Variants in CELF2 observed in about 807,000 individuals in gnomAD.
CELF2 encodes the protein CUG triplet repeat RNA-binding protein 2.
Under a neutral mutation model 62.6 loss-of-function variants are expected in CELF2, and 8 were observed. The ratio of observed to expected loss-of-function variants is 0.13; its 90% CI spans 0.07 to 0.23. CELF2 has a LOEUF of 0.23. CELF2 is among the 10% of genes least tolerant of loss of function. CELF2 has a pLI of 1.00. For synonymous variants in CELF2, 258 were observed against 250.0 expected, an observed-to-expected ratio of 1.03 and a Z score of -0.30; for missense variants, 333 against 671.0, an observed-to-expected ratio of 0.50 and a Z score of 5.56.
chr10:10,527,837 T>C, the CELF2 span, among the ~76,000 whole-genome samples: 1 of 152,254 alleles, frequency 6.6e-6, no homozygotes, highest in Non-Finnish European at 1.5e-5. Context: ...ACTGTCTAGA[T>C]GCAATCCTAA....
chr10:11,288,496 C>G lies in CELF2; in HGVS notation c.920C>G (p.Thr307Ser). 2 of 1,614,002 alleles carry G rather than the reference C, an allele frequency of 1.2e-6. No homozygotes were observed. Among genetic ancestry groups the G allele is most frequent in the Non-Finnish European group, 1.7e-6 (2 of 1,180,036 alleles). ...GCGGCCCAGACCTCAGCCACCAGCA[C>G]CAATGCAAACCCTCTCTCTACCACG... Reference protein sequence around the residue: ...AAAAQTSATSTNANPLSTTSS... With the variant: ...AAAAQTSATSSNANPLSTTSS... The change falls in exon 9 of 13, where the codon ACC (threonine) becomes AGC (serine). Residue 307 changes from threonine to serine, a missense_variant. Thr to Ser is a moderately conservative substitution (Grantham distance 58, BLOSUM62 1). Around this residue, in one of 3 missense-constraint regions of CELF2, gnomAD observed 253 missense variants for 503.0 expected, o/e 0.50. Transcript: ENST00000633077.
intron 1 of CELF2, among the ~76,000 whole-genome samples, chr10:10,820,275 T>C (rs1276483535): frequency 6.6e-6 from 1 of 152,176 alleles, no homozygotes; most frequent in African/African-American, 2.4e-5. Flanking sequence ...ATTAGTACTC[T>C]TTTCTGTGGG....
chr10:10,602,933 G>T, the CELF2 span, among the ~76,000 whole-genome samples: 1 of 152,072 alleles, frequency 6.6e-6, no homozygotes, highest in Non-Finnish European at 1.5e-5. Context: ...ATTCGTTGAG[G>T]GATTTGGAGT....
intron 1 of CELF2, among the ~76,000 whole-genome samples, chr10:11,132,727 A>G (rs2059801103): frequency 6.6e-6 from 1 of 152,236 alleles, no homozygotes; most frequent in African/African-American, 2.4e-5. Context: ...GCCTAGGAGA[A>G]AAAGTGACAC....
chr10:11,231,659 C>G (rs1378711012), intron 3 of CELF2, among the ~76,000 whole-genome samples: 1 of 146,114 alleles, frequency 6.8e-6, no homozygotes, highest in African/African-American at 2.5e-5. Flanking sequence ...AAAAAAAAAT[C>G]CTGTTTACTT....
At chr10:10,912,985 G>A (rs1374729631) in intron 1 of CELF2, among the ~76,000 whole-genome samples, 1 of 152,170 alleles carries the variant, frequency 6.6e-6, no homozygotes, top group Non-Finnish European at 1.5e-5. Flanking sequence ...CCTGTAAATG[G>A]CCTGGAATAG....
the CELF2 span, among the ~76,000 whole-genome samples, chr10:10,772,054 G>A: frequency 6.6e-6 from 1 of 152,128 alleles, no homozygotes; most frequent in African/African-American, 2.4e-5. Context: ...TAGCAGAATG[G>A]AGTAGAACTT....
Position 11,223,587 on chromosome 10 carries a change from C to T in CELF2, c.354+6080C>T, listed in dbSNP as rs1297315843. Among the ~76,000 whole-genome samples, 1 of 152,190 alleles carries T rather than the reference C, an allele frequency of 6.6e-6. No homozygotes were observed. The highest frequency in any genetic ancestry group is 1.5e-5 in the Non-Finnish European group (1 of 68,032). ...CAAACAAAATAAGGACTTTGTTTCTCTTGGAGATGACTTTTTAAGGACTGT... is the reference window on the plus strand; with the variant it reads ...CAAACAAAATAAGGACTTTGTTTCTTTTGGAGATGACTTTTTAAGGACTGT... On this transcript the variant is annotated intron_variant, in intron 3 of 12. Transcript: ENST00000633077. This position sits in a 1 kb window ranked among gnomAD's most constrained non-coding sequence, Gnocchi z 5.1.
intron 1 of CELF2, among the ~76,000 whole-genome samples, chr10:10,894,344 CA>C (rs769285039): frequency 1.3e-5 from 2 of 152,142 alleles, no homozygotes; most frequent in Non-Finnish European, 2.9e-5. Flanking sequence ...CTCACCAGCT[CA>C]AGGGCACCAA....
the CELF2 span, among the ~76,000 whole-genome samples, chr10:10,749,305 GCATATCACCTT>G: frequency 6.6e-6 from 1 of 152,126 alleles, no homozygotes; most frequent in Non-Finnish European, 1.5e-5. Context: ...ATTACAGAAG[GCATATCACCTT>G]CTACTCCCTC....
At chr10:10,909,322 A>G (rs975649362) in intron 1 of CELF2, among the ~76,000 whole-genome samples, 15 of 152,220 alleles carry the variant, frequency 9.9e-5, no homozygotes, top group African/African-American at 2.9e-4. Flanking sequence ...TGTGTCCCTC[A>G]GAACCTTCAT....
intron 1 of CELF2, among the ~76,000 whole-genome samples, chr10:11,113,584 A>G (rs1374896188): frequency 2.0e-5 from 3 of 152,208 alleles, no homozygotes; most frequent in South Asian, 2.1e-4. Flanking sequence ...CCCTTTAAAT[A>G]TACGTGGGAT....
the CELF2 span, among the ~76,000 whole-genome samples, chr10:10,563,237 A>G: frequency 1.3e-5 from 2 of 152,236 alleles, no homozygotes; most frequent in African/African-American, 4.8e-5. Flanking sequence ...CTCCTAGAAG[A>G]CACCCAGCCA....
intron 8 of CELF2, among the ~76,000 whole-genome samples, chr10:11,286,496 TG>T (rs2091342063): frequency 6.6e-6 from 1 of 152,226 alleles, no homozygotes; most frequent in African/African-American, 2.4e-5. Context: ...CGCACAGCCT[TG>T]GTGCTCCCTC....
chr10:11,030,226 T>C (rs2059879013), intron 1 of CELF2: 1 of 152,260 alleles, frequency 6.6e-6, no homozygotes, highest in Admixed American at 6.5e-5. Context: ...ATTTAGGATA[T>C]ACCATGGGCC....
At chr10:10,909,628 C>T (rs747024055) in intron 1 of CELF2, among the ~76,000 whole-genome samples, 8 of 152,174 alleles carry the variant, frequency 5.3e-5, no homozygotes, top group Non-Finnish European at 7.3e-5. Context: ...AATCTTCTTC[C>T]TCTTGTCCAT....
chr10:11,085,358 C>A (rs2046411368), intron 1 of CELF2, among the ~76,000 whole-genome samples: 1 of 152,106 alleles, frequency 6.6e-6, no homozygotes, highest in African/African-American at 2.4e-5. Context: ...CCTTTTATAC[C>A]ATAATCCTGT....
At chr10:11,065,849 G>A (rs751321829) in intron 1 of CELF2, among the ~76,000 whole-genome samples, 8 of 152,172 alleles carry the variant, frequency 5.3e-5, no homozygotes, top group Non-Finnish European at 1.0e-4. Context: ...AGGGCCCGGG[G>A]AGGGTTGCAG....
chr10:10,528,359 T>G, the CELF2 span, among the ~76,000 whole-genome samples: 2 of 152,180 alleles, frequency 1.3e-5, no homozygotes, highest in Non-Finnish European at 2.9e-5. Flanking sequence ...CTTGGCCTTC[T>G]TCACCATGAC....
Sources: allele counts gnomAD v4.1 joint callset (sites outside exome capture counted in the v4.1 genomes callset), GRCh38; gene constraint gnomAD v4.1.1; regional missense constraint gnomAD v4.1.1; non-coding constraint Gnocchi (gnomAD v3.1); transcripts MANE v1.5; gene names NCBI Gene and HGNC (gene_info 2026-07-23, HGNC 2026-07-21).